NRDE2: variants seen among roughly 807,000 people sequenced by gnomAD.
NRDE2 encodes the protein nuclear exosome regulator NRDE2.
In NRDE2, 76 loss-of-function variants were observed where a neutral mutation model predicts 124.2. The ratio of observed to expected loss-of-function variants is 0.61; its 90% CI spans 0.51 to 0.74. The LOEUF is 0.74. Ranked by LOEUF, NRDE2 falls within the 30% of genes least tolerant of loss-of-function variation. The pLI, the probability that NRDE2 is intolerant of heterozygous loss-of-function variation, is 0.00. For synonymous variants in NRDE2, 489 were observed against 528.1 expected (o/e 0.93, Z 1.01); for missense variants, 1,314 against 1,417.3 (o/e 0.93, Z 1.17).
At chr14:90,330,221 AT>A (rs372875879) in intron 1 of NRDE2, among the ~76,000 whole-genome samples, 1 of 101,916 alleles carries the variant, frequency 9.8e-6, no homozygotes, top group Non-Finnish European at 2.0e-5. Flanking sequence ...AAAAAAATAA[AT>A]AAATAAATAA....
intron 10 of NRDE2, 145 bp from the exon 11 acceptor site, chr14:90,289,290 G>T: frequency 4.6e-6 from 3 of 648,126 alleles, no homozygotes; most frequent in Non-Finnish European, 8.0e-6. Context: ...GGCTCTCTGA[G>T]CTGGAAAAGA....
intron 4 of NRDE2, among the ~76,000 whole-genome samples, chr14:90,308,969 G>A (rs1345878787): frequency 2.0e-5 from 3 of 151,986 alleles, no homozygotes; most frequent in African/African-American, 7.3e-5. Context: ...CAGGCCGGGC[G>A]TGGTGGCTCA....
In NRDE2 at chr14:90,290,317, C is replaced by G. The variant is rs1566686448; in HGVS notation, c.2133G>C (p.Glu711Asp). Residue 711 changes from glutamate to aspartate, a missense_variant, in exon 10 of 14, where the codon GAG (glutamate) becomes GAC (aspartate). Coordinates refer to ENST00000354366, the MANE Select transcript of NRDE2 (RefSeq NM_017970.4). ...WTRGQNREGE[E>D]FIRNVFHLVM... ...CAAGGTGGAAGACATTGCGGATGAA[C>G]TCCTCGCCCTCTCGGTTCTGACCCC... 1.2e-6 allele frequency: 2 copies of G among 1,614,118 alleles called. No homozygotes were observed. Among genetic ancestry groups the G allele is most frequent in the Admixed American group, 3.3e-5 (2 of 60,024 alleles).
chr14:90,269,412 T>C lies in NRDE2; in HGVS notation c.*8924A>G. The C allele has an allele frequency of 5.0e-6, 8 of 1,608,228 alleles. No homozygotes were observed. The African/African-American group carries it at 5.4e-5, about 11-fold the overall frequency. ...TTTTCCAAAGATATGACTCCAATTC[T>C]GGTGGTGAGAGAGAAATTCAGCGAA... On this transcript the variant is annotated 3_prime_UTR_variant, in exon 14 of 14. Transcript: ENST00000354366.
chr14:90,298,451 G>C lies in NRDE2; in HGVS notation c.1546-71C>G, dbSNP rs372871902. ...TGCTGAGTCAGTGGGCAAAATCCGCGCTGGTGGATATAAGAGAAGCTTATG... is the reference window on the plus strand; with the variant it reads ...TGCTGAGTCAGTGGGCAAAATCCGCCCTGGTGGATATAAGAGAAGCTTATG... On this transcript the variant is annotated intron_variant, in intron 7 of 13. Coordinates refer to ENST00000354366, the MANE Select transcript of NRDE2 (RefSeq NM_017970.4). 7.6e-4 allele frequency: 1,123 copies of C among 1,483,810 alleles called. 1 individual carries two copies. Among genetic ancestry groups the C allele is most frequent in the Non-Finnish European group, 9.6e-4 (1,027 of 1,067,670 alleles). The allele number at this position is 1,483,810 out of a possible 1,614,324, so 91.9% of individuals were successfully genotyped here.
chr14:90,290,278 A>T lies in NRDE2; in HGVS notation c.2172T>A (p.Phe724Leu). The T allele has an allele frequency of 1.2e-6, 2 of 1,614,102 alleles. No individual in the cohort carries two copies. The highest frequency in any genetic ancestry group is 2.7e-5 in the African/African-American group (2 of 75,042). Residue 724 changes from phenylalanine (F) to leucine (L), a missense_variant, in exon 10 of 14, where the codon TTT (phenylalanine) becomes TTA (leucine). Transcript: ENST00000354366. Reference protein sequence around the residue: ...RNVFHLVMPLFSGKEKSQLCF... With the variant: ...RNVFHLVMPLLSGKEKSQLCF... The stretch of plus-strand genomic sequence containing the variant: ...AGAGCTGGGACTTCTCTTTGCCTGA[A>T]AATAAAGGCATGACAAGGTGGAAGA...
intron 1 of NRDE2, among the ~76,000 whole-genome samples, chr14:90,321,549 T>TAAAAAAAAAAAAAAA (rs1012195271): frequency 9.2e-6 from 1 of 108,812 alleles, no homozygotes; most frequent in African/African-American, 3.4e-5. Context: ...CCAGCTCTAT[T>TAAAAAAAAAAAAAAA]AAAAAAAAAA....
intron 11 of NRDE2, among the ~76,000 whole-genome samples, chr14:90,287,033 CA>C (rs60863011): frequency 0.077 from 1,823 of 23,626 alleles, 1 homozygote; most frequent in African/African-American, 0.12. Flanking sequence ...GACTCCGTCT[CA>C]AAAAAAAAAA....
intron 12 of NRDE2, among the ~76,000 whole-genome samples, chr14:90,284,447 C>G (rs1410751768): frequency 6.6e-6 from 1 of 151,732 alleles, no homozygotes; most frequent in Non-Finnish European, 1.5e-5. Context: ...CTGCAGCTCA[C>G]TGCAACCTCC....
intron 4 of NRDE2, among the ~76,000 whole-genome samples, chr14:90,305,655 G>A (rs1434896823): frequency 1.3e-5 from 2 of 152,194 alleles, no homozygotes; most frequent in African/African-American, 2.4e-5. Context: ...CTGAGTGAAA[G>A]AAGCCAGAAG....
At position 90,268,383 on chromosome 14, in the gene NRDE2, T is replaced by G. The variant is rs373464261; in HGVS notation, c.*9953A>C. 6.2e-7 allele frequency: 1 copy of G among 1,612,758 alleles called. No individual in the cohort carries two copies. Among genetic ancestry groups the G allele is most frequent in the Non-Finnish European group, 8.5e-7 (1 of 1,179,648 alleles). ...GAACATGCACCGTCCATCGTGTTTA[T>G]TGATGAAATTGACGCCATTGGGACA... On this transcript the variant is annotated 3_prime_UTR_variant, in exon 14 of 14. Coordinates refer to ENST00000354366, the MANE Select transcript of NRDE2 (RefSeq NM_017970.4).
In NRDE2 at chr14:90,267,923, C is replaced by A; in HGVS notation, c.*10413G>T. Reference sequence around the variant, plus strand: ...ATTCTTCGTACAGGTAATTATAGTTCGCAGCTTTTCAGGGGAAACTGGGTC... The same window carrying A: ...ATTCTTCGTACAGGTAATTATAGTTAGCAGCTTTTCAGGGGAAACTGGGTC... On this transcript the variant is annotated 3_prime_UTR_variant, in exon 14 of 14. Transcript: ENST00000354366. 1 of 281,268 alleles carries A rather than the reference C, an allele frequency of 3.6e-6. No individual in the cohort carries two copies. Among genetic ancestry groups the A allele is most frequent in the African/African-American group, 2.2e-5 (1 of 45,200 alleles). 17.4% of individuals were successfully genotyped at this position (281,268 alleles called of 1,614,324 possible).
At chr14:90,312,909 G>A (rs545696382) in intron 3 of NRDE2, among the ~76,000 whole-genome samples, 8 of 152,270 alleles carry the variant, frequency 5.3e-5, no homozygotes, top group Admixed American at 1.3e-4. Context: ...TTCCTAAAAA[G>A]TATTCCTGCT....
rs747532708 is a variant in NRDE2 at position 90,331,842 on chromosome 14, T to C, written c.63A>G (p.Lys21=). 3 of 1,614,088 alleles carry C rather than the reference T, an allele frequency of 1.9e-6. No individual in the cohort carries two copies. Among genetic ancestry groups the C allele is most frequent in the Admixed American group, 3.3e-5 (2 of 60,022 alleles). ...TCTTCGGCTCGTTTGTGTGCTTACC[T>C]TTCCTGGAGCTCCCGCCATCGGGAG... The part of the protein sequence containing the change: ...SEAPDGGSSR[K]ELDWLSNPSF... The change falls in exon 1 of 14, where the codon AAA becomes AAG. Residue 21 remains lysine, a splice_region_variant and synonymous_variant. Transcript: ENST00000354366.
intron 1 of NRDE2, among the ~76,000 whole-genome samples, chr14:90,321,738 G>A (rs1566701783): frequency 6.6e-6 from 1 of 152,102 alleles, no homozygotes. Flanking sequence ...TGCACATGCA[G>A]GGAATACTAG....
rs550439193 is a variant in NRDE2, at chr14:90,273,961, C to T, written c.*4375G>A. ...CCATGCAGATGATCCAGGATAATTT[C>T]CCTGTTTTAAAGTTTACAATCTTCT... is the stretch of plus-strand genomic sequence containing the variant. On this transcript the variant is annotated 3_prime_UTR_variant, in exon 14 of 14. Coordinates refer to ENST00000354366, the MANE Select transcript of NRDE2 (RefSeq NM_017970.4). 1.7e-4 allele frequency: 25 copies of T among 151,402 alleles called. No individual in the cohort carries two copies. Among genetic ancestry groups the T allele is most frequent in the Middle Eastern group, 5.2e-4 (1 of 1,922 alleles). 9.4% of individuals were successfully genotyped at this position (151,402 alleles called of 1,614,324 possible).
intron 4 of NRDE2, among the ~76,000 whole-genome samples, chr14:90,306,107 G>A (rs1184237682): frequency 6.6e-6 from 1 of 152,136 alleles, no homozygotes; most frequent in Non-Finnish European, 1.5e-5. Context: ...GCAGTTATAC[G>A]AGCATTCACT....
chr14:90,270,490 C>A lies in NRDE2; in HGVS notation c.*7846G>T. 1.1e-6 allele frequency: 1 copy of A among 952,004 alleles called. No homozygotes were observed. Among genetic ancestry groups the A allele is most frequent in the Non-Finnish European group, 1.5e-6 (1 of 667,060 alleles). 59.0% of individuals were successfully genotyped at this position (952,004 alleles called of 1,614,324 possible). ...TAATCATCATATTGGTTTACGATTA[C>A]ATCCAAATGGTATATGTGCTTGATA... On this transcript the variant is annotated 3_prime_UTR_variant, in exon 14 of 14. Coordinates refer to ENST00000354366, the MANE Select transcript of NRDE2 (RefSeq NM_017970.4).
In NRDE2 at chr14:90,270,498, T is replaced by C. The variant is rs138164490; in HGVS notation, c.*7838A>G. The C allele has an allele frequency of 4.0e-4, 353 of 880,322 alleles. 2 individuals are homozygous for C. The African/African-American group carries it at 5.5e-3, about 14-fold the overall frequency. The allele number at this position is 880,322 out of a possible 1,614,324, so 54.5% of individuals were successfully genotyped here. On this transcript the variant is annotated 3_prime_UTR_variant, in exon 14 of 14. Transcript: ENST00000354366. ...ATATTGGTTTACGATTACATCCAAATGGTATATGTGCTTGATATTGAAGTC... is the reference window on the plus strand; with the variant it reads ...ATATTGGTTTACGATTACATCCAAACGGTATATGTGCTTGATATTGAAGTC...
Sources: gnomAD v4.1 joint callset for allele counts (sites outside exome capture counted in the v4.1 genomes callset) on GRCh38, gnomAD v4.1.1 for gene constraint, MANE v1.5 for transcripts, NCBI Gene and HGNC (gene_info 2026-07-23, HGNC 2026-07-21) for gene names.